Variants in LYPLA1 observed in about 807,000 individuals in gnomAD.
LYPLA1 encodes the protein lysophospholipase 1.
LYPLA1 carries 17 observed loss-of-function variants against 34.0 expected under a neutral mutation model. The observed-to-expected ratio is 0.50, with a 90% CI of 0.34 to 0.75. The LOEUF is 0.75. LYPLA1 is among the 30% of genes least tolerant of loss of function. The pLI, the probability that LYPLA1 is intolerant of heterozygous loss-of-function variation, is 0.01. For missense variants in LYPLA1, 203 were observed against 288.8 expected (o/e 0.70, Z 2.15); for synonymous variants, 98 against 100.8 (o/e 0.97, Z 0.17).
At chr8:54,060,902 C>A (rs1045446720) in intron 5 of LYPLA1, among the ~76,000 whole-genome samples, 1 of 151,676 alleles carries the variant, frequency 6.6e-6, no homozygotes, top group African/African-American at 2.4e-5. Flanking sequence ...ACCATGTTGG[C>A]CAGGCTGGTC....
intron 7 of LYPLA1, 116 bp downstream of exon 7, chr8:54,052,539 C>A (rs1035571213): frequency 1.0e-5 from 7 of 681,298 alleles, no homozygotes; most frequent in African/African-American, 7.2e-5. Flanking sequence ...GAATTTAGAA[C>A]TTCTCCAAAA....
intron 2 of LYPLA1, among the ~76,000 whole-genome samples, chr8:54,096,680 T>G (rs1168816309): frequency 2.0e-5 from 3 of 151,100 alleles, no homozygotes; most frequent in African/African-American, 2.4e-5. Context: ...GAGGCAGAGG[T>G]TGCAGTGAGC....
intron 2 of LYPLA1, among the ~76,000 whole-genome samples, chr8:54,084,362 G>C (rs1808552005): frequency 6.6e-6 from 1 of 151,838 alleles, no homozygotes; most frequent in African/African-American, 2.4e-5. Flanking sequence ...CTTGATGTCA[G>C]GAGTTAGAGA....
intron 2 of LYPLA1, among the ~76,000 whole-genome samples, chr8:54,085,931 G>A (rs1415845959): frequency 6.6e-6 from 1 of 152,126 alleles, no homozygotes; most frequent in Non-Finnish European, 1.5e-5. Context: ...TGTCTGGGAG[G>A]TGTACCCAAC....
rs374332051 is a variant in LYPLA1 at position 54,101,866 on chromosome 8, G to A, written c.-43C>T. 1,199 of 1,178,206 alleles carry A rather than the reference G, an allele frequency of 1.0e-3. 3 individuals are homozygous for A. Among genetic ancestry groups the A allele is most frequent in the Non-Finnish European group, 1.2e-3 (1,154 of 936,354 alleles). 73.0% of individuals were successfully genotyped at this position (1,178,206 alleles called of 1,614,324 possible). On this transcript the variant is annotated 5_prime_UTR_variant, in exon 1 of 9. Transcript: ENST00000316963. The stretch of plus-strand genomic sequence containing the variant: ...AGCGCAAGCGGAAGGAAGAGCGGGC[G>A]CCCGGCCGCGGCCCAAGGGCGTGCG...
intron 1 of LYPLA1, 44 bp downstream of exon 1, chr8:54,101,711 G>C: frequency 7.9e-7 from 1 of 1,265,518 alleles, no homozygotes; most frequent in Non-Finnish European, 1.0e-6. Context: ...ACCACCGGTG[G>C]CCGGCCCAGT....
At chr8:54,100,870 G>C in intron 2 of LYPLA1, 38 bp downstream of exon 2, 2 of 1,563,570 alleles carry the variant, frequency 1.3e-6, no homozygotes, top group Non-Finnish European at 1.8e-6. Flanking sequence ...GCATGACCCA[G>C]TTTCATTACT....
chr8:54,087,668 C>T (rs1808907770), intron 2 of LYPLA1, among the ~76,000 whole-genome samples: 1 of 152,146 alleles, frequency 6.6e-6, no homozygotes, highest in Admixed American at 6.6e-5. Flanking sequence ...TATAAATCAA[C>T]AACAAAAAGG....
downstream of LYPLA1, among the ~76,000 whole-genome samples, chr8:54,045,318 G>C (rs1252194805): frequency 6.6e-6 from 1 of 152,162 alleles, no homozygotes; most frequent in East Asian, 1.9e-4. Flanking sequence ...AAGAGTGGCT[G>C]CAACAGTAGG....
At chr8:54,086,802 T>C (rs1222403959) in intron 2 of LYPLA1, among the ~76,000 whole-genome samples, 1 of 152,064 alleles carries the variant, frequency 6.6e-6, no homozygotes, top group Non-Finnish European at 1.5e-5. Context: ...GTGAGCTGTG[T>C]TCACTCCACT....
intron 2 of LYPLA1, among the ~76,000 whole-genome samples, chr8:54,092,306 TGGAGGA>T (rs564501188): frequency 9.6e-6 from 1 of 103,890 alleles, no homozygotes; most frequent in Non-Finnish European, 2.0e-5. Flanking sequence ...GAAGAGAAGG[TGGAGGA>T]GGAGGAGAAG....
At chr8:54,055,645 ATT>A (rs201781407) in intron 5 of LYPLA1, among the ~76,000 whole-genome samples, 27 of 142,128 alleles carry the variant, frequency 1.9e-4, no homozygotes, top group Admixed American at 4.2e-4. Context: ...AATCCTAATT[ATT>A]TTTTTTTTTT....
chr8:54,062,916 T>G (rs1294927488), intron 4 of LYPLA1, among the ~76,000 whole-genome samples: 1 of 152,164 alleles, frequency 6.6e-6, no homozygotes, highest in Non-Finnish European at 1.5e-5. Flanking sequence ...TGACCCTACT[T>G]TCTGACAGTA....
chr8:54,045,300 G>A (rs983885789), downstream of LYPLA1, among the ~76,000 whole-genome samples: 1 of 152,188 alleles, frequency 6.6e-6, no homozygotes, highest in African/African-American at 2.4e-5. Context: ...CTTTCAAAAT[G>A]CAGCAGTAAG....
intron 2 of LYPLA1, among the ~76,000 whole-genome samples, chr8:54,084,140 A>AT (rs1491427183): frequency 3.9e-4 from 47 of 119,518 alleles, no homozygotes; most frequent in African/African-American, 1.3e-3. Context: ...AAAAATAAAT[A>AT]AATATATATA....
downstream of LYPLA1, chr8:54,045,066 C>T (rs1001205528): frequency 3.3e-5 from 5 of 152,178 alleles, no homozygotes; most frequent in Admixed American, 6.5e-5. Context: ...AATTTGAATC[C>T]TGGCTCTTGC....
chr8:54,062,200 C>A (rs1806690781), intron 5 of LYPLA1, 54 bp downstream of exon 5: 1 of 1,261,404 alleles, frequency 7.9e-7, no homozygotes, highest in African/African-American at 1.5e-5. Flanking sequence ...ATTACTAAAT[C>A]TACTAAAAAC....
chr8:54,063,504 C>T, intron 3 of LYPLA1, 129 bp from the exon 4 acceptor site: 3 of 677,352 alleles, frequency 4.4e-6, no homozygotes, highest in Non-Finnish European at 7.8e-6. Flanking sequence ...AACATATGAA[C>T]TGTTTTATTT....
intron 2 of LYPLA1, among the ~76,000 whole-genome samples, chr8:54,098,156 G>A (rs542462112): frequency 7.9e-5 from 12 of 152,018 alleles, no homozygotes; most frequent in Non-Finnish European, 1.2e-4. Context: ...CTGGAGAGTG[G>A]AGGTTGCAGT....
Sources: gnomAD v4.1 joint callset for allele counts (sites outside exome capture counted in the v4.1 genomes callset) on GRCh38, gnomAD v4.1.1 for gene constraint, MANE v1.5 for transcripts, NCBI Gene and HGNC (gene_info 2026-07-23, HGNC 2026-07-21) for gene names.